Variants in TMPRSS9 observed in about 807,000 individuals in gnomAD.
TMPRSS9 encodes transmembrane serine protease 9, also known as transmembrane protease serine 9.
A neutral mutation model predicts 111.4 loss-of-function variants in TMPRSS9; 113 were observed. The observed-to-expected ratio is 1.01, with a 90% CI of 0.87 to 1.19. The LOEUF is 1.19. Among genes scored for constraint, TMPRSS9 ranks in the 50% most tolerant of loss-of-function variants. The pLI, the probability that TMPRSS9 is intolerant of heterozygous loss-of-function variation, is 0.00. For missense variants in TMPRSS9, 1,803 were observed against 1,513.1 expected (o/e 1.19, Z -3.18); for synonymous variants, 805 against 659.1 (o/e 1.22, Z -3.39).
At chr19:2,373,689 G>A (rs146863258) in intron 1 of TMPRSS9, among the ~76,000 whole-genome samples, 12,261 of 151,216 alleles carry the variant, frequency 0.081, 1,458 homozygotes, top group African/African-American at 0.27. Flanking sequence ...TAGTAGAGAC[G>A]GGGTTTCGCC....
chr19:2,380,109 C>A (rs76697325), intron 1 of TMPRSS9, among the ~76,000 whole-genome samples: 16,033 of 151,840 alleles, frequency 0.11, 1,656 homozygotes, highest in African/African-American at 0.27. Flanking sequence ...CCATTTTGGA[C>A]CTTGCTGGTG....
chr19:2,403,195 G>A (rs529471001), exon 6 of TMPRSS9: 15 of 1,602,878 alleles, frequency 9.4e-6, no homozygotes, highest in South Asian at 2.3e-5. Context: ...GGCGCACTGC[G>A]GTCAGTCTGC....
intron 2 of TMPRSS9, among the ~76,000 whole-genome samples, chr19:2,398,383 C>A (rs937583775): frequency 2.0e-5 from 3 of 151,706 alleles, no homozygotes; most frequent in Admixed American, 6.6e-5. Context: ...CTGTGGAAAA[C>A]CAAGGCAGGT....
At chr19:2,376,956 A>G (rs1020378814) in intron 1 of TMPRSS9, among the ~76,000 whole-genome samples, 1 of 152,006 alleles carries the variant, frequency 6.6e-6, no homozygotes, top group Admixed American at 6.6e-5. Context: ...GCGCCGGGGC[A>G]GAGGCACACC....
chr19:2,408,825 C>T (rs1423526509), intron 8 of TMPRSS9, among the ~76,000 whole-genome samples, 195 bp downstream of exon 9: 1 of 151,396 alleles, frequency 6.6e-6, no homozygotes, highest in East Asian at 2.0e-4. Context: ...AAAATACACA[C>T]ACACACACAC....
intron 13 of TMPRSS9, 138 bp from the exon 15 acceptor site, chr19:2,421,716 G>A: frequency 1.2e-6 from 1 of 831,492 alleles, no homozygotes; most frequent in Non-Finnish European, 1.8e-6. Context: ...GCTGCAGTCA[G>A]GTCTCCAGAC....
chr19:2,424,941 C>T, intron 15 of TMPRSS9, 61 bp from the exon 17 acceptor site: 2 of 1,388,908 alleles, frequency 1.4e-6, no homozygotes, highest in Non-Finnish European at 1.9e-6. Context: ...GGGGACACCA[C>T]AGGGGCGGGG....
chr19:2,403,312 G>C, intron 6 of TMPRSS9, 117 bp downstream of exon 7: 1 of 849,172 alleles, frequency 1.2e-6, no homozygotes, highest in Non-Finnish European at 1.9e-6. Flanking sequence ...TGGCATTTAT[G>C]GGGGCTGGGC....
At chr19:2,402,367 A>G (rs1448235684) in intron 5 of TMPRSS9, among the ~76,000 whole-genome samples, 1 of 152,014 alleles carries the variant, frequency 6.6e-6, no homozygotes, top group African/African-American at 2.4e-5. Flanking sequence ...GCTTGAACCC[A>G]GGAGGCAGAG....
intron 4 of TMPRSS9, 105 bp downstream of exon 5, chr19:2,399,298 A>G: frequency 7.2e-7 from 1 of 1,385,110 alleles, no homozygotes; most frequent in Non-Finnish European, 9.5e-7. Flanking sequence ...AAAGAAAACA[A>G]ACTGGCCGGG....
intron 3 of TMPRSS9, 70 bp from the exon 5 acceptor site, chr19:2,398,948 A>C: frequency 6.5e-7 from 1 of 1,545,420 alleles, no homozygotes; most frequent in Non-Finnish European, 8.7e-7. Flanking sequence ...GGAAGATTCT[A>C]GAAGATTCCA....
chr19:2,417,352 G>A (rs1436371780), intron 12 of TMPRSS9, among the ~76,000 whole-genome samples: 3 of 151,896 alleles, frequency 2.0e-5, no homozygotes, highest in Admixed American at 1.3e-4. Context: ...TGTAATCCCA[G>A]CTACTCGGGA....
exon 7 of TMPRSS9, chr19:2,405,473 A>C: frequency 1.2e-6 from 2 of 1,608,446 alleles, no homozygotes; most frequent in Non-Finnish European, 1.7e-6. Context: ...CTTCGAGAGA[A>C]CAAGGAGCAC....
At chr19:2,368,823 C>CGCCCAGGCTGGA (rs1442540784) in intron 1 of TMPRSS9, among the ~76,000 whole-genome samples, 1 of 115,492 alleles carries the variant, frequency 8.7e-6, no homozygotes, top group Non-Finnish European at 1.7e-5. Flanking sequence ...CTCACTCTGT[C>CGCCCAGGCTGGA]GCCCAGGCTG....
exon 10 of TMPRSS9, chr19:2,413,901 G>A (rs373647105): frequency 2.3e-5 from 37 of 1,612,622 alleles, no homozygotes; most frequent in East Asian, 2.2e-4. Flanking sequence ...TGCCCCTGCC[G>A]CCCCCAGCAC....
chr19:2,411,397 CTT>C (rs1971093795), intron 9 of TMPRSS9, among the ~76,000 whole-genome samples: 1 of 114,926 alleles, frequency 8.7e-6, no homozygotes, highest in African/African-American at 3.6e-5. Context: ...TTTTCTTCTT[CTT>C]CTTTTTTTTT....
At chr19:2,363,816 G>A (rs1471115639) in intron 1 of TMPRSS9, among the ~76,000 whole-genome samples, 2 of 142,560 alleles carry the variant, frequency 1.4e-5, no homozygotes, top group African/African-American at 5.2e-5. Flanking sequence ...GTGCGCGCGT[G>A]TGTGTGTGAG....
intron 4 of TMPRSS9, among the ~76,000 whole-genome samples, chr19:2,401,273 CA>C (rs534945361): frequency 1.4e-4 from 21 of 145,116 alleles, no homozygotes; most frequent in Non-Finnish European, 1.7e-4. Flanking sequence ...GACTCCGTCT[CA>C]AAAAAAAAAA....
upstream of TMPRSS9, among the ~76,000 whole-genome samples, chr19:2,387,128 G>A (rs962916396): frequency 3.9e-5 from 6 of 152,024 alleles, no homozygotes; most frequent in Non-Finnish European, 5.9e-5. Flanking sequence ...AGGCCAAGGC[G>A]GGTGGATCAC....
Sources: gnomAD v4.1 joint callset for allele counts (sites outside exome capture counted in the v4.1 genomes callset) on GRCh38, gnomAD v4.1.1 for gene constraint, MANE v1.5 for transcripts, NCBI Gene and HGNC (gene_info 2026-07-23, HGNC 2026-07-21) for gene names.